HAUS6: variants seen among roughly 807,000 people sequenced by gnomAD.
The protein encoded by HAUS6 is HAUS augmin-like complex subunit 6.
HAUS6 carries 80 observed loss-of-function variants against 106.8 expected under a neutral mutation model. The ratio of observed to expected loss-of-function variants is 0.75; its 90% CI spans 0.63 to 0.90. The LOEUF (loss-of-function observed/expected upper bound fraction) is 0.90, where lower values mean the gene tolerates loss of function less well. HAUS6 is among the 40% of genes least tolerant of loss of function. The pLI, the probability that HAUS6 is intolerant of heterozygous loss-of-function variation, is 0.00. For missense variants in HAUS6, 1,155 were observed against 1,118.1 expected, an observed-to-expected ratio of 1.03 and a Z score of -0.47; for synonymous variants, 356 against 379.1, an observed-to-expected ratio of 0.94 and a Z score of 0.71.
chr9:19,071,620 G>A (rs535226394), intron 11 of HAUS6, among the ~76,000 whole-genome samples: 1 of 146,200 alleles, frequency 6.8e-6, no homozygotes, highest in African/African-American at 2.5e-5. Context: ...TGTCACCCAG[G>A]CTGACTGCAG....
chr9:19,057,618 T>C (rs915042147), intron 16 of HAUS6: 38 of 300,342 alleles, frequency 1.3e-4, no homozygotes, highest in African/African-American at 7.5e-4. Flanking sequence ...ATTATAGTGA[T>C]GATATTTAAA....
In HAUS6 at chr9:19,079,099, C is replaced by T. The variant is rs945115252; in HGVS notation, c.1065-797G>A. 5.6e-5 allele frequency among the ~76,000 whole-genome samples: 8 copies of T among 142,558 alleles called. No individual in the cohort carries two copies. In the East Asian group the frequency reaches 6.2e-4, roughly 11 times the overall value. 93.5% of individuals were successfully genotyped at this position (142,558 alleles called of 152,430 possible). A position where few individuals can be genotyped will look rare whatever the true frequency, so the allele number is the denominator to read the frequency against. Reference sequence around the variant, plus strand: ...GAATCACTTGAAATCAGGAGGCAGACGTTGCAGAAAGCCGAGATTGCGCTA... The same window carrying T: ...GAATCACTTGAAATCAGGAGGCAGATGTTGCAGAAAGCCGAGATTGCGCTA... On this transcript the variant is annotated intron_variant, in intron 9 of 16. Coordinates refer to ENST00000380502, the MANE Select transcript of HAUS6 (RefSeq NM_017645.5).
chr9:19,086,922 A>G (rs1303548463), intron 6 of HAUS6, 140 bp from the exon 7 acceptor site: 21 of 619,136 alleles, frequency 3.4e-5, no homozygotes, highest in Non-Finnish European at 4.0e-5. Flanking sequence ...AGCGATAATA[A>G]TTTATTAGGA....
At chr9:19,098,504 G>C (rs1365260669) in intron 1 of HAUS6, among the ~76,000 whole-genome samples, 1 of 151,390 alleles carries the variant, frequency 6.6e-6, no homozygotes. Flanking sequence ...TGTATAGCCA[G>C]GTCCAATACA....
chr9:19,079,205 T>C (rs113076326), intron 9 of HAUS6, among the ~76,000 whole-genome samples: 10 of 150,736 alleles, frequency 6.6e-5, no homozygotes, highest in African/African-American at 2.2e-4. Flanking sequence ...AATACATCTA[T>C]TACTCCATTT....
chr9:19,083,116 C>A, intron 7 of HAUS6, 73 bp from the exon 8 acceptor site: 1 of 770,666 alleles, frequency 1.3e-6, no homozygotes, highest in South Asian at 3.4e-5. Flanking sequence ...AATGTATGTT[C>A]ACTCTTAGTA....
Position 19,076,632 on chromosome 9 carries a change from T to A in HAUS6, c.1264A>T (p.Ile422Phe), listed in dbSNP as rs1367086461. The A allele has an allele frequency of 1.3e-6, 2 of 1,584,152 alleles. No individual in the cohort carries two copies. ...AGTGAAGCAGGATACTGACAAAGAA[T>A]ACTCTTTGCATACACTTCTTCTGAG... ...PASEEVYAKS[I>F]LCQYPASLPD... is the part of the protein sequence containing the mutation. The change falls in exon 11 of 17, where the codon ATT becomes TTT. Residue 422 changes from isoleucine to phenylalanine, a missense_variant. Ile to Phe is a conservative substitution (Grantham distance 21, BLOSUM62 0). Coordinates refer to ENST00000380502, the MANE Select transcript of HAUS6 (RefSeq NM_017645.5).
intron 15 of HAUS6, 40 bp downstream of exon 15, chr9:19,060,048 C>T (rs2291502): frequency 0.082 from 125,438 of 1,529,056 alleles, 5,549 homozygotes; most frequent in East Asian, 0.099. Flanking sequence ...GTGGTTATGT[C>T]GATGAAAGAA....
chr9:19,099,171 GT>G (rs149869558), intron 1 of HAUS6, among the ~76,000 whole-genome samples: 26,938 of 142,854 alleles, frequency 0.19, 2,750 homozygotes, highest in African/African-American at 0.31. Flanking sequence ...GTTTTTTTGT[GT>G]TTTTTTTTTT....
At chr9:19,083,501 T>A (rs1348978693) in intron 7 of HAUS6, among the ~76,000 whole-genome samples, 1 of 152,010 alleles carries the variant, frequency 6.6e-6, no homozygotes, top group Non-Finnish European at 1.5e-5. Flanking sequence ...GAGAAATAAT[T>A]TTAAAAATTT....
At chr9:19,102,477 G>A (rs199742044) in intron 1 of HAUS6, 47 bp downstream of exon 1, 8 of 1,589,264 alleles carry the variant, frequency 5.0e-6, no homozygotes, top group East Asian at 4.5e-5. Flanking sequence ...GTCCCCCGGC[G>A]TCCCCCGGTT....
At chr9:19,059,964 G>T in intron 15 of HAUS6, 124 bp downstream of exon 15, 1 of 662,034 alleles carries the variant, frequency 1.5e-6, no homozygotes, top group Non-Finnish European at 2.6e-6. Context: ...CACTTAGTAC[G>T]TCGATTACAA....
At chr9:19,068,844 T>A (rs1483224514) in intron 12 of HAUS6, among the ~76,000 whole-genome samples, 1 of 152,042 alleles carries the variant, frequency 6.6e-6, no homozygotes, top group East Asian at 1.9e-4. Flanking sequence ...TTTGCTCATA[T>A]AATCTGTAAT....
rs1343545434 is a variant in HAUS6, at chr9:19,078,269, T to C, written c.1098A>G (p.Arg366=). 2.0e-6 allele frequency: 3 copies of C among 1,517,918 alleles called. No homozygotes were observed. The highest frequency in any genetic ancestry group is 2.2e-5 in the East Asian group (1 of 44,462). The allele number at this position is 1,517,918 out of a possible 1,614,324, so 94.0% of individuals were successfully genotyped here. A position where few individuals can be genotyped will look rare whatever the true frequency, so the allele number is the denominator to read the frequency against. Residue 366 remains arginine, a synonymous_variant, in exon 10 of 17, where the codon AGA becomes AGG. Coordinates refer to ENST00000380502, the MANE Select transcript of HAUS6 (RefSeq NM_017645.5). ...CTCCTTGCTTTTCAACAACAGAATG[T>C]CTTATAGTTGTGAGATCATCTTTTA... The part of the protein sequence containing the change: ...YRIKDDLTTI[R]HSVVEKQGEW...
At position 19,086,736 on chromosome 9, in the gene HAUS6, T is replaced by C; in HGVS notation, c.697A>G (p.Lys233Glu). 8.0e-7 allele frequency: 1 copy of C among 1,243,988 alleles called. No homozygotes were observed. The highest frequency in any genetic ancestry group is 1.2e-6 in the Non-Finnish European group (1 of 855,638). 77.1% of individuals were successfully genotyped at this position (1,243,988 alleles called of 1,614,324 possible). ...DHSNMEEKIQ[K>E]VRSLWASVNE... Reference sequence around the variant, plus strand: ...TCTCCTTTTATAAGTTGTCTCACCTTTTGAATTTTTTCTTCCATATTACTG... The same window carrying C: ...TCTCCTTTTATAAGTTGTCTCACCTCTTGAATTTTTTCTTCCATATTACTG... Residue 233 changes from lysine (K) to glutamate (E), a missense_variant and splice_region_variant, in exon 7 of 17, where the codon AAG becomes GAG. By Grantham distance (56) the Lys-to-Glu change is moderately conservative (BLOSUM62 1). Transcript: ENST00000380502.
chr9:19,086,326 G>A (rs920877363), intron 7 of HAUS6, among the ~76,000 whole-genome samples: 3 of 129,682 alleles, frequency 2.3e-5, no homozygotes, highest in Non-Finnish European at 4.9e-5. Flanking sequence ...AGGGGAGGGG[G>A]AAGGGGAAGG....
chr9:19,068,038 T>C (rs990121993), intron 12 of HAUS6, among the ~76,000 whole-genome samples: 6 of 151,766 alleles, frequency 4.0e-5, no homozygotes, highest in African/African-American at 1.5e-4. Context: ...GGTTCATGAA[T>C]AAAATCTGCT....
chr9:19,088,620 C>A (rs1406675375), intron 5 of HAUS6, among the ~76,000 whole-genome samples: 1 of 151,722 alleles, frequency 6.6e-6, no homozygotes, highest in Non-Finnish European at 1.5e-5. Context: ...GCAATCCCAG[C>A]ACTTTGGGAG....
intron 7 of HAUS6, among the ~76,000 whole-genome samples, chr9:19,085,092 T>C (rs1837258397): frequency 6.6e-6 from 1 of 152,136 alleles, no homozygotes; most frequent in Admixed American, 6.6e-5. Context: ...CCTAAATATC[T>C]CTGACATGTT....
Sources: gnomAD v4.1 joint callset for allele counts (sites outside exome capture counted in the v4.1 genomes callset) on GRCh38, gnomAD v4.1.1 for gene constraint, MANE v1.5 for transcripts, NCBI Gene and HGNC (gene_info 2026-07-23, HGNC 2026-07-21) for gene names.